Variants in ARNT2 observed in about 807,000 individuals in gnomAD.
ARNT2 encodes aryl hydrocarbon receptor nuclear translocator 2, also known as ARNT protein 2.
ARNT2 carries 36 observed loss-of-function variants against 91.7 expected under a neutral mutation model. The observed-to-expected ratio is 0.39, with a 90% CI of 0.30 to 0.52. The LOEUF is 0.52. Among genes scored for constraint, ARNT2 ranks in the 20% least tolerant of loss-of-function variants. ARNT2 has a pLI of 0.72. For missense variants in ARNT2, 775 were observed against 939.3 expected (o/e 0.83, Z 2.29); for synonymous variants, 365 against 347.1 (o/e 1.05, Z -0.57).
intron 1 of ARNT2, among the ~76,000 whole-genome samples, chr15:80,425,542 A>G (rs534531590): frequency 9.1e-4 from 138 of 152,278 alleles, no homozygotes; most frequent in Non-Finnish European, 1.5e-3. Context: ...AAATATTACA[A>G]TCTTTTTTGA....
intron 1 of ARNT2, among the ~76,000 whole-genome samples, chr15:80,423,776 C>CAGAGAGAGAGAGAGAGAGAG: frequency 2.0e-5 from 3 of 148,612 alleles, no homozygotes; most frequent in East Asian, 4.0e-4. Context: ...GAGAAAGAGG[C>CAGAGAGAGAGAGAGAGAGAG]AGAGAGAGAG....
intron 2 of ARNT2, among the ~76,000 whole-genome samples, chr15:80,457,436 C>A (rs1239886824): frequency 6.6e-6 from 1 of 152,200 alleles, no homozygotes; most frequent in Non-Finnish European, 1.5e-5. Flanking sequence ...ATTTCTCTTT[C>A]CCTTGTGATC....
intron 8 of ARNT2, among the ~76,000 whole-genome samples, chr15:80,550,823 A>G (rs1282024422): frequency 6.6e-6 from 1 of 152,220 alleles, no homozygotes; most frequent in Non-Finnish European, 1.5e-5. Flanking sequence ...TCTTTGTTTC[A>G]TTCTTTGTCA....
At chr15:80,466,937 A>T (rs12594341) in intron 3 of ARNT2, among the ~76,000 whole-genome samples, 95,282 of 152,130 alleles carry the variant, frequency 0.63, 32,089 homozygotes, top group East Asian at 0.78. Flanking sequence ...ATTGCTTTAG[A>T]TCTCTGTTTA....
chr15:80,530,118 G>T (rs1897712205), intron 8 of ARNT2, among the ~76,000 whole-genome samples: 1 of 152,110 alleles, frequency 6.6e-6, no homozygotes, highest in South Asian at 2.1e-4. Flanking sequence ...ACTTCGAGAG[G>T]TCACTATGTG....
intron 8 of ARNT2, among the ~76,000 whole-genome samples, chr15:80,531,622 A>G (rs1222428787): frequency 6.6e-6 from 1 of 152,198 alleles, no homozygotes; most frequent in Non-Finnish European, 1.5e-5. Context: ...TTTCTCCGTT[A>G]TAACACCAAC....
chr15:80,500,189 C>A (rs1897172151), intron 5 of ARNT2, among the ~76,000 whole-genome samples: 1 of 152,138 alleles, frequency 6.6e-6, no homozygotes, highest in Non-Finnish European at 1.5e-5. Flanking sequence ...GGTGTTTTTT[C>A]CTGTGTGCAC....
chr15:80,525,230 A>G (rs994264305), intron 8 of ARNT2, among the ~76,000 whole-genome samples: 2 of 152,282 alleles, frequency 1.3e-5, no homozygotes, highest in South Asian at 4.1e-4. Context: ...GTTTGTTTTT[A>G]TATTTAGTTG....
At chr15:80,582,022 C>T (rs74027858) in intron 17 of ARNT2, among the ~76,000 whole-genome samples, 174 of 152,322 alleles carry the variant, frequency 1.1e-3, no homozygotes, top group African/African-American at 4.0e-3. Flanking sequence ...GAAGTCCAAG[C>T]TGGTGCCTGC....
At chr15:80,593,365 A>G (rs1453745067) in intron 18 of ARNT2, among the ~76,000 whole-genome samples, 3 of 152,250 alleles carry the variant, frequency 2.0e-5, no homozygotes, top group Non-Finnish European at 2.9e-5. Flanking sequence ...GACAAAGGGC[A>G]TGTCCTAATG....
At chr15:80,419,180 G>A (rs761201192) in intron 1 of ARNT2, among the ~76,000 whole-genome samples, 82 of 152,174 alleles carry the variant, frequency 5.4e-4, no homozygotes, top group Non-Finnish European at 1.8e-4. Flanking sequence ...AACACAAAGT[G>A]CTGCCCCATC....
intron 8 of ARNT2, among the ~76,000 whole-genome samples, chr15:80,519,575 A>G (rs1897499745): frequency 6.6e-6 from 1 of 152,122 alleles, no homozygotes; most frequent in African/African-American, 2.4e-5. Flanking sequence ...CTGTGAAGAT[A>G]AGCTGTCAAT....
chr15:80,574,246 T>C (rs1047401060), intron 13 of ARNT2, 26 bp downstream of exon 13: 1 of 1,606,074 alleles, frequency 6.2e-7, no homozygotes. Context: ...ACCCTTTCCC[T>C]GTTGGAATTG....
At chr15:80,445,338 G>T (rs1001583367) in intron 1 of ARNT2, among the ~76,000 whole-genome samples, 1 of 150,350 alleles carries the variant, frequency 6.7e-6, no homozygotes, top group Non-Finnish European at 1.5e-5. Context: ...TGTGAGTGGT[G>T]TGTTTGTGTG....
At chr15:80,418,894 T>C (rs570490451) in intron 1 of ARNT2, among the ~76,000 whole-genome samples, 1 of 152,326 alleles carries the variant, frequency 6.6e-6, no homozygotes, top group African/African-American at 2.4e-5. Flanking sequence ...ATTCAATAAA[T>C]ATTTATTAAA....
At position 80,490,535 on chromosome 15, in the gene ARNT2, G is replaced by A. The variant is rs147180191; in HGVS notation, c.622+15312G>A. Among the ~76,000 whole-genome samples, 6 of 152,376 alleles carry A rather than the reference G, an allele frequency of 3.9e-5. No individual in the cohort carries two copies. In the East Asian group the frequency reaches 1.2e-3, roughly 29 times the overall value. The stretch of plus-strand genomic sequence containing the variant: ...AGCCTGTTGGTGGAGCTGGCTGCAG[G>A]CTGGCCACCAGAGCAGCTGAGGTTT... On this transcript the variant is annotated intron_variant, in intron 5 of 18. Transcript: ENST00000303329.
chr15:80,560,278 G>GA (rs1486519523), intron 11 of ARNT2: 1 of 152,374 alleles, frequency 6.6e-6, no homozygotes, highest in Non-Finnish European at 1.5e-5. Flanking sequence ...TGGCAGTAGG[G>GA]ATTTATGCAA....
chr15:80,522,281 G>A (rs1404727895), intron 8 of ARNT2, among the ~76,000 whole-genome samples: 2 of 152,126 alleles, frequency 1.3e-5, no homozygotes, highest in Admixed American at 1.3e-4. Flanking sequence ...AGCAAACTGA[G>A]GCACAGAGCT....
chr15:80,441,294 A>G (rs994990070), intron 1 of ARNT2: 5 of 985,008 alleles, frequency 5.1e-6, no homozygotes, highest in Non-Finnish European at 6.0e-6. Context: ...GAGGTTTCTG[A>G]CATTTCTTCT....
Sources: gnomAD v4.1 joint callset for allele counts (sites outside exome capture counted in the v4.1 genomes callset) on GRCh38, gnomAD v4.1.1 for gene constraint, MANE v1.5 for transcripts, NCBI Gene and HGNC (gene_info 2026-07-23, HGNC 2026-07-21) for gene names.